The following CCDC141 variants were observed in gnomAD, a reference collection of about 807,000 sequenced individuals.
CCDC141 encodes the protein coiled-coil domain-containing protein 141.
CCDC141 carries 168 observed loss-of-function variants against 181.0 expected under a neutral mutation model. That is an observed-to-expected ratio of 0.93 (90% CI 0.82 to 1.05). CCDC141 has a LOEUF of 1.05. Ranked by LOEUF, CCDC141 falls within the 50% of genes least tolerant of loss-of-function variation. The probability of loss-of-function intolerance (pLI) is 0.00; values close to 1 mark genes in which losing one functional copy is unlikely to be tolerated. For missense variants in CCDC141, 1,902 were observed against 1,788.5 expected, an observed-to-expected ratio of 1.06 and a Z score of -1.14; for synonymous variants, 666 against 642.3, an observed-to-expected ratio of 1.04 and a Z score of -0.56.
chr2:178,971,065 G>A (rs541719819), intron 4 of CCDC141, among the ~76,000 whole-genome samples: 7 of 152,146 alleles, frequency 4.6e-5, no homozygotes, highest in South Asian at 4.2e-4. Flanking sequence ...AAAATTAGCC[G>A]GGCCTGGTGG....
At chr2:178,840,106 C>T (rs1273407021) in intron 22 of CCDC141, among the ~76,000 whole-genome samples, 1 of 152,214 alleles carries the variant, frequency 6.6e-6, no homozygotes, top group African/African-American at 2.4e-5. Context: ...CACAAAAAGT[C>T]CAGCTGCTCT....
intron 2 of CCDC141, among the ~76,000 whole-genome samples, chr2:179,020,749 T>C (rs1006667548): frequency 6.6e-6 from 1 of 152,208 alleles, no homozygotes; most frequent in Non-Finnish European, 1.5e-5. Flanking sequence ...TAAGTATGCA[T>C]GCATTTATGT....
At chr2:178,872,907 G>T (rs1483726507) in intron 12 of CCDC141, 1 of 152,132 alleles carries the variant, frequency 6.6e-6, no homozygotes, top group Non-Finnish European at 1.5e-5. Context: ...TAAAATCAAA[G>T]ATTTCACTTC....
At chr2:178,861,398 G>A (rs80182096) in intron 17 of CCDC141, among the ~76,000 whole-genome samples, 16,425 of 152,084 alleles carry the variant, frequency 0.11, 1,665 homozygotes, top group East Asian at 0.57. Flanking sequence ...CACTTAGGGA[G>A]GCTGAGGCAG....
chr2:178,821,422 A>G, the CCDC141 span, among the ~76,000 whole-genome samples: 2 of 152,132 alleles, frequency 1.3e-5, no homozygotes, highest in Non-Finnish European at 2.9e-5. Flanking sequence ...TTTGGCCCCA[A>G]ACACCAAGTG....
intron 2 of CCDC141, among the ~76,000 whole-genome samples, chr2:178,983,870 A>T (rs1183188153): frequency 6.6e-5 from 10 of 150,828 alleles, no homozygotes; most frequent in Non-Finnish European, 1.2e-4. Context: ...GGGAGAATGG[A>T]ACCAAGTTGG....
intron 11 of CCDC141, among the ~76,000 whole-genome samples, chr2:178,883,044 T>C (rs1291797353): frequency 6.6e-6 from 1 of 152,152 alleles, no homozygotes; most frequent in African/African-American, 2.4e-5. Flanking sequence ...AGCTAAAATG[T>C]TTTGATTAAA....
chr2:178,918,721 C>A lies in CCDC141; in HGVS notation c.1084G>T (p.Ala362Ser). The A allele has an allele frequency of 6.5e-7, 1 of 1,550,328 alleles. No individual in the cohort carries two copies. Among genetic ancestry groups the A allele is most frequent in the Non-Finnish European group, 8.7e-7 (1 of 1,146,858 alleles). Reference sequence around the variant, plus strand: ...CTTGACCTCACACTGACCTTGTTAGCACTGTTAAAAAATTCATTCGCCTTC... The same window carrying A: ...CTTGACCTCACACTGACCTTGTTAGAACTGTTAAAAAATTCATTCGCCTTC... ...LKKANEFFNSANKAFDVLGRV... is the reference protein window; with the variant it reads ...LKKANEFFNSSNKAFDVLGRV... The change falls in exon 7 of 24, where the codon GCT (alanine) becomes TCT (serine). Residue 362 changes from alanine (A) to serine (S), a missense_variant. By Grantham distance (99) the Ala-to-Ser change is moderately conservative (BLOSUM62 1). Transcript: ENST00000443758.
At position 178,865,816 on chromosome 2, in the gene CCDC141, G is replaced by T; in HGVS notation, c.2675C>A (p.Thr892Asn). The T allele has an allele frequency of 6.2e-7, 1 of 1,605,860 alleles. No homozygotes were observed. Among genetic ancestry groups the T allele is most frequent in the Non-Finnish European group, 8.5e-7 (1 of 1,175,894 alleles). Reference sequence around the variant, plus strand: ...GCAGTACTCCACACTACGGGACAGGGTCCGTCCATACTCCTCAGCTTTGGC... The same window carrying T: ...GCAGTACTCCACACTACGGGACAGGTTCCGTCCATACTCCTCAGCTTTGGC... ...WRAKAEEYGR[T>N]LSRSVEYCAM... Residue 892 changes from threonine (T) to asparagine (N), a missense_variant, in exon 17 of 24, where the codon ACC becomes AAC. Transcript: ENST00000443758.
chr2:179,031,122 C>G (rs1435564853), intron 2 of CCDC141, among the ~76,000 whole-genome samples: 2 of 151,650 alleles, frequency 1.3e-5, no homozygotes, highest in Non-Finnish European at 1.5e-5. Context: ...TAAACTATCT[C>G]AATTTATAAA....
chr2:178,989,600 A>AT (rs200493414), intron 2 of CCDC141, among the ~76,000 whole-genome samples: 52,598 of 132,124 alleles, frequency 0.4, 11,744 homozygotes, highest in Non-Finnish European at 0.48. Context: ...CCTCAAAAAA[A>AT]AAAAAAAATA....
At chr2:178,929,149 T>A (rs931813398) in intron 6 of CCDC141, among the ~76,000 whole-genome samples, 4 of 152,198 alleles carry the variant, frequency 2.6e-5, no homozygotes, top group Admixed American at 2.6e-4. Context: ...CCCACTTTAT[T>A]TTTTAAATTA....
intron 2 of CCDC141, among the ~76,000 whole-genome samples, chr2:178,985,631 G>A (rs1691689180): frequency 1.3e-5 from 2 of 151,590 alleles, no homozygotes; most frequent in South Asian, 4.2e-4. Flanking sequence ...ATGATAAAGG[G>A]GATATCACCA....
At chr2:179,006,540 A>T in intron 2 of CCDC141, among the ~76,000 whole-genome samples, 3 of 152,204 alleles carry the variant, frequency 2.0e-5, no homozygotes. Context: ...ATAATTAATT[A>T]ATTTATGCAA....
intron 17 of CCDC141, among the ~76,000 whole-genome samples, chr2:178,858,539 A>T (rs1320614551): frequency 1.3e-5 from 2 of 152,170 alleles, no homozygotes; most frequent in African/African-American, 2.4e-5. Context: ...TTGATAAAAA[A>T]GTTCTGCAGA....
At chr2:178,868,987 A>G in intron 15 of CCDC141, 130 bp downstream of exon 15, 1 of 555,578 alleles carries the variant, frequency 1.8e-6, no homozygotes, top group East Asian at 3.4e-5. Context: ...GAGAGAAAAG[A>G]TAGGGGCCAG....
intron 21 of CCDC141, among the ~76,000 whole-genome samples, chr2:178,846,246 T>G (rs726215): frequency 0.18 from 27,099 of 152,168 alleles, 2,709 homozygotes; most frequent in Middle Eastern, 0.23. Flanking sequence ...CACAGGATGC[T>G]TCATGTGGTT....
intron 22 of CCDC141, among the ~76,000 whole-genome samples, chr2:178,838,456 C>A (rs540060413): frequency 6.6e-6 from 1 of 152,232 alleles, no homozygotes; most frequent in Non-Finnish European, 1.5e-5. Flanking sequence ...TTCTCTTGCT[C>A]TATGCATTTG....
At chr2:178,840,471 C>G (rs185874057) in intron 22 of CCDC141, among the ~76,000 whole-genome samples, 2 of 152,138 alleles carry the variant, frequency 1.3e-5, no homozygotes, top group Non-Finnish European at 2.9e-5. Context: ...CTCCTCAATC[C>G]CTGCTGGGGA....
Sources: allele counts gnomAD v4.1 joint callset (sites outside exome capture counted in the v4.1 genomes callset), GRCh38; gene constraint gnomAD v4.1.1; transcripts MANE v1.5; gene names NCBI Gene and HGNC (gene_info 2026-07-23, HGNC 2026-07-21).